The following CHEK2 variants were observed in gnomAD, a reference collection of about 807,000 sequenced individuals.
CHEK2 encodes the protein serine/threonine-protein kinase Chk2.
A neutral mutation model predicts 69.1 loss-of-function variants in CHEK2; 71 were observed. The observed-to-expected ratio is 1.03, with a 90% confidence interval of 0.85 to 1.25. The LOEUF is 1.25. CHEK2 is among the 50% of genes most tolerant of loss of function. The probability of loss-of-function intolerance (pLI) is 0.00; values close to 1 mark genes in which losing one functional copy is unlikely to be tolerated. For synonymous variants in CHEK2, 189 were observed against 226.9 expected (o/e 0.83, Z 1.50); for missense variants, 664 against 649.6 (o/e 1.02, Z -0.24).
intron 5 of CHEK2, among the ~76,000 whole-genome samples, chr22:28,712,737 A>G (rs541158630): frequency 6.6e-6 from 1 of 152,358 alleles, no homozygotes; most frequent in African/African-American, 2.4e-5. Context: ...GAAGTAGACT[A>G]TTATAACTAT....
chr22:28,739,557 C>A (rs1188395076), intron 1 of CHEK2, among the ~76,000 whole-genome samples: 1 of 151,898 alleles, frequency 6.6e-6, no homozygotes, highest in East Asian at 1.9e-4. Flanking sequence ...GGCATGGTGG[C>A]AGGCGTCTAT....
chr22:28,739,114 C>CA (rs2054491213), intron 1 of CHEK2, among the ~76,000 whole-genome samples: 1 of 151,584 alleles, frequency 6.6e-6, no homozygotes, highest in Admixed American at 6.6e-5. Context: ...ACTAAAAATA[C>CA]AAAAAATTAG....
At chr22:28,719,602 T>G in intron 4 of CHEK2, 117 bp from the exon 5 acceptor site, 3 of 656,878 alleles carry the variant, frequency 4.6e-6, no homozygotes, top group Non-Finnish European at 5.4e-6. Flanking sequence ...ACATTTAACA[T>G]GTAACCTTAA....
intron 9 of CHEK2, among the ~76,000 whole-genome samples, chr22:28,699,431 T>C (rs990065604): frequency 2.8e-5 from 4 of 141,076 alleles, no homozygotes. Context: ...AGTGGCATGA[T>C]CTCAGCACAC....
intron 1 of CHEK2, among the ~76,000 whole-genome samples, chr22:28,738,575 C>A (rs1360401523): frequency 6.6e-6 from 1 of 152,130 alleles, no homozygotes; most frequent in Non-Finnish European, 1.5e-5. Context: ...TATCTGGGAG[C>A]TATTGCTATT....
intron 5 of CHEK2, among the ~76,000 whole-genome samples, chr22:28,717,145 G>C (rs554375636): frequency 1.3e-5 from 2 of 151,598 alleles, no homozygotes; most frequent in Non-Finnish European, 2.9e-5. Context: ...TTGGGGGACC[G>C]AGGCAGGCGG....
chr22:28,717,196 G>A (rs2053615778), intron 5 of CHEK2, among the ~76,000 whole-genome samples: 1 of 152,110 alleles, frequency 6.6e-6, no homozygotes, highest in Non-Finnish European at 1.5e-5. Flanking sequence ...GGCTAACACA[G>A]TAAAACCCCA....
intron 1 of CHEK2, among the ~76,000 whole-genome samples, chr22:28,740,516 GTTACT>G (rs1471854408): frequency 1.3e-5 from 2 of 152,086 alleles, no homozygotes; most frequent in African/African-American, 2.4e-5. Context: ...AATGTTAAAT[GTTACT>G]TTAATGTAAG....
chr22:28,704,685 G>A (rs2053038667), intron 7 of CHEK2, among the ~76,000 whole-genome samples: 1 of 152,120 alleles, frequency 6.6e-6, no homozygotes, highest in African/African-American at 2.4e-5. Flanking sequence ...TAAGCTCAGT[G>A]GGTAAATAAA....
Position 28,729,579 on chromosome 22 carries a change from A to C in CHEK2, c.320-4212T>G, listed in dbSNP as rs117671475. Among the ~76,000 whole-genome samples the C allele has an allele frequency of 2.2e-3, 328 of 150,536 alleles. 9 individuals carry two copies. The East Asian group carries it at 0.046, about 21-fold the overall frequency. Reference sequence around the variant, plus strand: ...AAAAAAAAAAAAGAATTAACCCAGGAAAGCTTGGTTGGTTTAACATCTGAA... The same window carrying C: ...AAAAAAAAAAAAGAATTAACCCAGGCAAGCTTGGTTGGTTTAACATCTGAA... On this transcript the variant is annotated intron_variant, in intron 2 of 14. Coordinates refer to ENST00000404276, the MANE Select transcript of CHEK2 (RefSeq NM_007194.4).
Position 28,719,395 on chromosome 22 carries a change from C to A in CHEK2, c.683G>T (p.Ser228Ile). ...DEYIMSKTLG[S>I]GACGEVKLAF... ...GCATTTATATAAGAAAATAATTTAC[C>A]TTCCAAGAGTTTTTGACATGATGTA... Residue 228 changes from serine (S) to isoleucine (I), a missense_variant and splice_region_variant, in exon 5 of 15, where the codon AGT (serine) becomes ATT (isoleucine). Physicochemically the swap from Ser to Ile is moderately radical, Grantham distance 142. Transcript: ENST00000404276. The A allele has an allele frequency of 6.5e-7, 1 of 1,549,082 alleles. No individual in the cohort carries two copies. Among genetic ancestry groups the A allele is most frequent in the Non-Finnish European group, 8.8e-7 (1 of 1,134,072 alleles).
At chr22:28,722,059 T>C (rs1226259103) in intron 4 of CHEK2, among the ~76,000 whole-genome samples, 1 of 152,070 alleles carries the variant, frequency 6.6e-6, no homozygotes, top group Non-Finnish European at 1.5e-5. Context: ...TTAAATAAAT[T>C]TTTTAATGTT....
At chr22:28,712,049 G>GA in intron 5 of CHEK2, 32 bp from the exon 6 acceptor site, 3 of 1,517,278 alleles carry the variant, frequency 2.0e-6, no homozygotes, top group Non-Finnish European at 2.7e-6. Context: ...GTGATTGTCT[G>GA]AATGTTTTTA....
chr22:28,697,038 G>A (rs1249742926), intron 9 of CHEK2, 51 bp from the exon 10 acceptor site: 4 of 1,184,852 alleles, frequency 3.4e-6, no homozygotes, highest in Non-Finnish European at 5.1e-6. Context: ...AGATACTTAA[G>A]TAGAATCAAA....
At chr22:28,722,081 T>C (rs2053806754) in intron 4 of CHEK2, among the ~76,000 whole-genome samples, 1 of 152,050 alleles carries the variant, frequency 6.6e-6, no homozygotes, top group Non-Finnish European at 1.5e-5. Flanking sequence ...ATTTAATTTT[T>C]TTAAAAGAGG....
chr22:28,717,143 C>G (rs1288020898), intron 5 of CHEK2, among the ~76,000 whole-genome samples: 1 of 151,666 alleles, frequency 6.6e-6, no homozygotes, highest in Non-Finnish European at 1.5e-5. Context: ...CTTTGGGGGA[C>G]CGAGGCAGGC....
intron 1 of CHEK2, among the ~76,000 whole-genome samples, chr22:28,740,069 C>T (rs899044768): frequency 2.6e-5 from 4 of 152,012 alleles, no homozygotes; most frequent in Middle Eastern, 3.4e-3. Flanking sequence ...GGCATGGTGG[C>T]GCGTGCCTGT....
At chr22:28,706,298 TCA>T (rs113795955) in intron 7 of CHEK2, among the ~76,000 whole-genome samples, 46,528 of 147,660 alleles carry the variant, frequency 0.32, 7,950 homozygotes, top group Middle Eastern at 0.42. Flanking sequence ...ACACTCCAGC[TCA>T]CACACACACA....
intron 12 of CHEK2, among the ~76,000 whole-genome samples, chr22:28,694,492 C>A (rs942434399): frequency 6.6e-6 from 1 of 152,120 alleles, no homozygotes; most frequent in Non-Finnish European, 1.5e-5. Flanking sequence ...AGTTACTCAG[C>A]GAGGGAGAGG....
Sources: gnomAD v4.1 joint callset for allele counts (sites outside exome capture counted in the v4.1 genomes callset) on GRCh38, gnomAD v4.1.1 for gene constraint, MANE v1.5 for transcripts, NCBI Gene and HGNC (gene_info 2026-07-23, HGNC 2026-07-21) for gene names.